The following TNRC6B variants were observed in gnomAD, a reference collection of about 807,000 sequenced individuals.
The protein encoded by TNRC6B is trinucleotide repeat containing adaptor 6B.
Under a neutral mutation model 203.6 loss-of-function variants are expected in TNRC6B, and 52 were observed. That is an observed-to-expected ratio of 0.26 (90% CI 0.20 to 0.32). TNRC6B has a LOEUF of 0.32. Among genes scored for constraint, TNRC6B ranks in the 10% least tolerant of loss-of-function variants. The pLI, the probability that TNRC6B is intolerant of heterozygous loss-of-function variation, is 1.00. For missense variants in TNRC6B, 1,923 were observed against 2,286.2 expected, an observed-to-expected ratio of 0.84 and a Z score of 3.24; for synonymous variants, 838 against 845.7, an observed-to-expected ratio of 0.99 and a Z score of 0.16.
At chr22:40,295,381 G>A (rs1870499277) in intron 12 of TNRC6B, among the ~76,000 whole-genome samples, 1 of 151,830 alleles carries the variant, frequency 6.6e-6, no homozygotes, top group African/African-American at 2.4e-5. Context: ...GGCTGAGGCA[G>A]GAGAATCGCT....
At chr22:40,105,156 G>A in intron 1 of TNRC6B, among the ~76,000 whole-genome samples, 1 of 152,224 alleles carries the variant, frequency 6.6e-6, no homozygotes, top group East Asian at 1.9e-4. Context: ...AGAAAGACAA[G>A]GCTGAGGATG....
At position 40,275,745 on chromosome 22, in the gene TNRC6B, G is replaced by A. The variant is rs1419603768; in HGVS notation, c.3142-1332G>A. 3.3e-5 allele frequency among the ~76,000 whole-genome samples: 5 copies of A among 151,644 alleles called. No homozygotes were observed. In the East Asian group the frequency reaches 9.8e-4, roughly 30 times the overall value. On this transcript the variant is annotated intron_variant, in intron 7 of 22. Transcript: ENST00000454349. Reference sequence around the variant, plus strand: ...AGGCTGAGGCAGGTGAATCACCTGAGGTCAAGAGTTCAAGACCAGCCTGGC... The same window carrying A: ...AGGCTGAGGCAGGTGAATCACCTGAAGTCAAGAGTTCAAGACCAGCCTGGC...
At chr22:40,169,445 G>T (rs990406543) in intron 4 of TNRC6B, among the ~76,000 whole-genome samples, 1 of 151,908 alleles carries the variant, frequency 6.6e-6, no homozygotes, top group Non-Finnish European at 1.5e-5. Context: ...TCCTATTTTT[G>T]AATGAATTGA....
chr22:40,148,227 C>G (rs1287730292), intron 3 of TNRC6B, among the ~76,000 whole-genome samples: 5 of 151,590 alleles, frequency 3.3e-5, no homozygotes, highest in African/African-American at 1.2e-4. Flanking sequence ...AAATAGAACT[C>G]TCATACGCTG....
chr22:40,131,461 C>T (rs904336385), intron 3 of TNRC6B, among the ~76,000 whole-genome samples: 2 of 150,736 alleles, frequency 1.3e-5, no homozygotes, highest in Admixed American at 1.3e-4. Context: ...TTCTAAAAGA[C>T]TGCTGTAAAC....
chr22:40,078,681 C>T (rs2068040440), intron 1 of TNRC6B, among the ~76,000 whole-genome samples: 1 of 152,010 alleles, frequency 6.6e-6, no homozygotes, highest in Non-Finnish European at 1.5e-5. Context: ...CAACCTCCAC[C>T]TCCCAGGTTC....
intron 21 of TNRC6B, among the ~76,000 whole-genome samples, chr22:40,320,207 C>T (rs887853352): frequency 2.0e-5 from 3 of 152,088 alleles, no homozygotes; most frequent in Admixed American, 6.6e-5. Flanking sequence ...ATGGGACAGG[C>T]GCGGTGGCTC....
At chr22:40,071,866 T>G (rs2067951680) in intron 1 of TNRC6B, among the ~76,000 whole-genome samples, 1 of 152,208 alleles carries the variant, frequency 6.6e-6, no homozygotes, top group Non-Finnish European at 1.5e-5. Flanking sequence ...AAATACTTTT[T>G]GTTTGTTTCG....
At chr22:40,065,828 G>A (rs964101475) in intron 1 of TNRC6B, among the ~76,000 whole-genome samples, 4 of 152,092 alleles carry the variant, frequency 2.6e-5, no homozygotes, top group Admixed American at 2.6e-4. Flanking sequence ...AGTGCCCCAC[G>A]AATGATGGTT....
rs371566908 is a variant in TNRC6B at position 40,087,912 on chromosome 22, A to G, written c.-120-29143A>G. On this transcript the variant is annotated intron_variant, in intron 1 of 23. Coordinates refer to the TNRC6B transcript ENST00000301923. The stretch of plus-strand genomic sequence containing the variant: ...TGGTGACCCAGACTAGAGACCAGAC[A>G]TAATACTTTTCAGGACCTCTTGGTC... Among the ~76,000 whole-genome samples, 23 of 152,240 alleles carry G rather than the reference A, an allele frequency of 1.5e-4. 2 individuals carry two copies. The highest frequency in any genetic ancestry group is 9.8e-4 in the Admixed American group (15 of 15,290).
intron 1 of TNRC6B, among the ~76,000 whole-genome samples, chr22:40,090,380 G>A (rs1338294310): frequency 6.7e-6 from 1 of 149,714 alleles, no homozygotes; most frequent in Non-Finnish European, 1.5e-5. Context: ...GCATCTAATG[G>A]GTGTGTAGTG....
intron 16 of TNRC6B, among the ~76,000 whole-genome samples, chr22:40,309,960 TAAGAA>T (rs1463946101): frequency 2.6e-5 from 4 of 152,196 alleles, no homozygotes; most frequent in Non-Finnish European, 5.9e-5. Flanking sequence ...AGCAGCATCC[TAAGAA>T]TAGATCAAGT....
In TNRC6B at chr22:40,297,358, G is replaced by A. The variant is rs189540841; in HGVS notation, c.3709-3097G>A. ...CATTCCCATCCGTGACGGGATGGGG[G>A]AACACAAACTGGGAATAAGTAGAAT... On this transcript the variant is annotated intron_variant, in intron 12 of 22. Coordinates refer to ENST00000454349, the MANE Select transcript of TNRC6B (RefSeq NM_001162501.2). Among the ~76,000 whole-genome samples the A allele has an allele frequency of 4.0e-3, 614 of 152,244 alleles. 5 individuals carry two copies. Among genetic ancestry groups the A allele is most frequent in the Middle Eastern group, 0.02 (6 of 294 alleles).
intron 1 of TNRC6B, among the ~76,000 whole-genome samples, chr22:40,053,361 G>A (rs143253859): frequency 8.4e-4 from 128 of 152,258 alleles, no homozygotes; most frequent in African/African-American, 3.0e-3. Context: ...GGGCAGAGTT[G>A]GAGAGTCTCT....
At chr22:40,070,868 A>G (rs9611261) in intron 1 of TNRC6B, among the ~76,000 whole-genome samples, 40,567 of 151,872 alleles carry the variant, frequency 0.27, 6,309 homozygotes, top group African/African-American at 0.42. Context: ...AGTCAAATAC[A>G]TTAGTATTTC....
intron 3 of TNRC6B, among the ~76,000 whole-genome samples, chr22:40,257,438 C>A (rs1376150654): frequency 6.6e-6 from 1 of 152,172 alleles, no homozygotes; most frequent in Non-Finnish European, 1.5e-5. Context: ...GAATGGAGGA[C>A]GGGCACGGTA....
rs11354611 is a variant in TNRC6B, at chr22:40,294,073, CAAAAA to C, written c.3709-6364_3709-6360del. Among the ~76,000 whole-genome samples, 10 of 80,302 alleles carry C rather than the reference CAAAAA, an allele frequency of 1.2e-4. 1 individual carries two copies. In the South Asian group the frequency reaches 4.4e-3, roughly 35 times the overall value. The allele number at this position is 80,302 out of a possible 152,430, so 52.7% of individuals were successfully genotyped here. A position where few individuals can be genotyped will look rare whatever the true frequency, so the allele number is the denominator to read the frequency against. ...GCAAAATGGCAAAACCCCATCTCTA[CAAAAA>C]AAAAAAAAAAAAAAAAATACAAAAA... is the stretch of plus-strand genomic sequence containing the variant. On this transcript the variant is annotated intron_variant, in intron 12 of 22. Coordinates refer to ENST00000454349, the MANE Select transcript of TNRC6B (RefSeq NM_001162501.2).
chr22:40,283,395 G>A (rs931466292), intron 11 of TNRC6B, among the ~76,000 whole-genome samples: 5 of 151,982 alleles, frequency 3.3e-5, no homozygotes, highest in Admixed American at 1.3e-4. Context: ...GGTTGGTCTC[G>A]AACTCCTAGC....
At chr22:40,312,339 GTATGTTCATGGTGAT>G (rs2071195669) in intron 17 of TNRC6B, among the ~76,000 whole-genome samples, 151 bp from the exon 18 acceptor site, 1 of 152,212 alleles carries the variant, frequency 6.6e-6, no homozygotes. Context: ...GTTGGCAAGA[GTATGTTCATGGTGAT>G]TTTTTTTTCC....
Sources: allele counts gnomAD v4.1 joint callset (sites outside exome capture counted in the v4.1 genomes callset), GRCh38; gene constraint gnomAD v4.1.1; transcripts MANE v1.5; gene names NCBI Gene and HGNC (gene_info 2026-07-23, HGNC 2026-07-21).